Variants in CREB5 observed in about 807,000 individuals in gnomAD.
CREB5 encodes the protein cyclic AMP-responsive element-binding protein 5.
Under a neutral mutation model 57.1 loss-of-function variants are expected in CREB5, and 19 were observed. The ratio of observed to expected loss-of-function variants is 0.33; its 90% CI spans 0.23 to 0.49. The LOEUF is 0.49. CREB5 is among the 20% of genes least tolerant of loss of function. The pLI, the probability that CREB5 is intolerant of heterozygous loss-of-function variation, is 0.99. For missense variants in CREB5, 579 were observed against 671.6 expected (o/e 0.86, Z 1.52); for synonymous variants, 238 against 238.3 (o/e 1.00, Z 0.01).
chr7:28,442,544 T>C (rs574363466), intron 1 of CREB5, among the ~76,000 whole-genome samples: 2 of 152,278 alleles, frequency 1.3e-5, no homozygotes, highest in African/African-American at 2.4e-5. Flanking sequence ...TTTTCTATAA[T>C]GGCTGTACTA....
At chr7:28,536,679 T>C (rs1483839625) in intron 4 of CREB5, among the ~76,000 whole-genome samples, 1 of 152,228 alleles carries the variant, frequency 6.6e-6, no homozygotes, top group Non-Finnish European at 1.5e-5. Flanking sequence ...TAATAATATC[T>C]ACTACTGTTT....
In CREB5 at chr7:28,368,785, G is replaced by A. The variant is rs761573354; in HGVS notation, c.-25+69344G>A. Among the ~76,000 whole-genome samples the A allele has an allele frequency of 8.6e-4, 131 of 152,240 alleles. 1 individual carries two copies. The highest frequency in any genetic ancestry group is 1.0e-3 in the Admixed American group (16 of 15,284). On this transcript the variant is annotated intron_variant, in intron 1 of 9. Coordinates refer to the CREB5 transcript ENST00000396299. ...ATATTGGTTGGGCCAAGTGGCCCAC[G>A]CCTGTAATCCCAGCATTTTGGGAGG...
At chr7:28,766,536 A>G (rs935013102) in intron 7 of CREB5, among the ~76,000 whole-genome samples, 11 of 152,240 alleles carry the variant, frequency 7.2e-5, no homozygotes, top group Non-Finnish European at 2.9e-5. Flanking sequence ...AGGGATTTAA[A>G]CAGATCTCTC....
chr7:28,309,839 T>A (rs1285377130), intron 1 of CREB5, among the ~76,000 whole-genome samples: 2 of 152,170 alleles, frequency 1.3e-5, no homozygotes, highest in Admixed American at 1.3e-4. Context: ...CCTTCTCTGA[T>A]TTCTGCCACT....
chr7:28,475,479 A>AAAG (rs34388783), intron 1 of CREB5, among the ~76,000 whole-genome samples: 60,179 of 150,718 alleles, frequency 0.4, 14,224 homozygotes, highest in East Asian at 0.67. Context: ...GAGAGAAAGA[A>AAAG]AAAAAAATAA....
In CREB5 at chr7:28,501,818, A is replaced by G. The variant is rs147052054; in HGVS notation, c.170-5798A>G. Among the ~76,000 whole-genome samples, 100 of 152,320 alleles carry G rather than the reference A, an allele frequency of 6.6e-4. No homozygotes were observed. The Middle Eastern group carries it at 0.017, about 26-fold the overall frequency. ...TTGATCGTGAGTAGGTGTGGAATAT[A>G]TAATTGGTTACTTTAAAACTATGTC... On this transcript the variant is annotated intron_variant, in intron 3 of 10. Transcript: ENST00000357727.
At chr7:28,679,013 C>T (rs1384785787) in intron 5 of CREB5, among the ~76,000 whole-genome samples, 2 of 147,526 alleles carry the variant, frequency 1.4e-5, no homozygotes, top group Admixed American at 1.3e-4. Context: ...TTTCTAATAC[C>T]TTCAAAACCT....
At chr7:28,763,811 T>TTATTA (rs10692164) in intron 7 of CREB5, among the ~76,000 whole-genome samples, 6 of 96,332 alleles carry the variant, frequency 6.2e-5, no homozygotes, top group Admixed American at 1.0e-4. Flanking sequence ...ATTATTATTA[T>TTATTA]TTTTTTTTGA....
chr7:28,434,883 G>A (rs751682889), intron 1 of CREB5, among the ~76,000 whole-genome samples: 11 of 152,148 alleles, frequency 7.2e-5, no homozygotes, highest in Non-Finnish European at 1.5e-4. Flanking sequence ...GAATTAATGT[G>A]ACTGAGTTGA....
rs1562798066 is a variant in CREB5, at chr7:28,560,949, T to TGTGTGC, written c.292-9415_292-9414insTGTGCG. Among the ~76,000 whole-genome samples, 182 of 34,734 alleles carry TGTGTGC rather than the reference T, an allele frequency of 5.2e-3. 9 individuals carry two copies. Among genetic ancestry groups the TGTGTGC allele is most frequent in the East Asian group, 0.024 (21 of 860 alleles). The allele number at this position is 34,734 out of a possible 152,430, so 22.8% of individuals were successfully genotyped here. A position where few individuals can be genotyped will look rare whatever the true frequency, so the allele number is the denominator to read the frequency against. On this transcript the variant is annotated intron_variant, in intron 4 of 10. Transcript: ENST00000357727. ...GCGTGCGTGTGTGCGTGCGTGTGTG[T>TGTGTGC]GCGTGTGTGTGCGTGTGTGTGTGCG...
intron 4 of CREB5, among the ~76,000 whole-genome samples, chr7:28,522,807 A>G (rs1350891102): frequency 6.6e-6 from 1 of 152,208 alleles, no homozygotes; most frequent in Non-Finnish European, 1.5e-5. Context: ...GCTGGCCCTG[A>G]AACCTAGCAA....
intron 1 of CREB5, among the ~76,000 whole-genome samples, chr7:28,451,450 CTGTGTG>C (rs6150047): frequency 0.13 from 19,418 of 146,820 alleles, 1,473 homozygotes; most frequent in South Asian, 0.27. Flanking sequence ...CTTTGCCAAA[CTGTGTG>C]TGTGTGTGTG....
intron 2 of CREB5, among the ~76,000 whole-genome samples, chr7:28,492,091 C>T (rs1395245004): frequency 1.3e-5 from 2 of 152,168 alleles, no homozygotes; most frequent in Admixed American, 1.3e-4. Context: ...CCTCTGCTTC[C>T]CAGGTTCAAG....
At chr7:28,530,841 G>C (rs1793696895) in intron 4 of CREB5, among the ~76,000 whole-genome samples, 1 of 152,224 alleles carries the variant, frequency 6.6e-6, no homozygotes, top group South Asian at 2.1e-4. Context: ...GCTGATGATG[G>C]AGGCCAGAGG....
chr7:28,335,329 A>G (rs932712590), intron 1 of CREB5, among the ~76,000 whole-genome samples: 8 of 152,170 alleles, frequency 5.3e-5, no homozygotes, highest in Non-Finnish European at 1.0e-4. Context: ...ACACATGAAC[A>G]TGAAATGTCT....
chr7:28,563,580 C>G (rs1278308371), intron 4 of CREB5, among the ~76,000 whole-genome samples: 2 of 152,170 alleles, frequency 1.3e-5, no homozygotes, highest in Non-Finnish European at 2.9e-5. Context: ...GGCTGGAGTG[C>G]AGTGGTGCAA....
intron 1 of CREB5, among the ~76,000 whole-genome samples, chr7:28,382,354 A>G (rs1237020549): frequency 6.6e-6 from 1 of 152,146 alleles, no homozygotes; most frequent in Non-Finnish European, 1.5e-5. Context: ...TTTAGAAGCA[A>G]AACCATCTGG....
At chr7:28,347,501 C>T (rs1241484169) in intron 1 of CREB5, among the ~76,000 whole-genome samples, 1 of 152,178 alleles carries the variant, frequency 6.6e-6, no homozygotes, top group Non-Finnish European at 1.5e-5. Flanking sequence ...CATATTAAAG[C>T]ATATTTCGAT....
chr7:28,653,083 A>G (rs1799207640), intron 5 of CREB5, among the ~76,000 whole-genome samples: 1 of 152,222 alleles, frequency 6.6e-6, no homozygotes, highest in African/African-American at 2.4e-5. Flanking sequence ...GATTCGGCAG[A>G]GAGTTGAAGA....
Sources: allele counts gnomAD v4.1 joint callset (sites outside exome capture counted in the v4.1 genomes callset), GRCh38; gene constraint gnomAD v4.1.1; transcripts MANE v1.5; gene names NCBI Gene and HGNC (gene_info 2026-07-23, HGNC 2026-07-21).